KLF17: variants seen among roughly 807,000 people sequenced by gnomAD.
KLF17 encodes the protein KLF transcription factor 17.
KLF17 carries 31 observed loss-of-function variants against 34.2 expected under a neutral mutation model. That is an observed-to-expected ratio of 0.91 (90% CI 0.68 to 1.22). The LOEUF is 1.22. Ranked by LOEUF, KLF17 falls within the 50% of genes most tolerant of loss-of-function variation. The pLI, the probability that KLF17 is intolerant of heterozygous loss-of-function variation, is 0.00. For missense variants in KLF17, 478 were observed against 505.2 expected (o/e 0.95, Z 0.52); for synonymous variants, 179 against 186.7 (o/e 0.96, Z 0.34).
the KLF17 span, among the ~76,000 whole-genome samples, chr1:44,079,799 A>G: frequency 6.6e-6 from 1 of 152,098 alleles, no homozygotes; most frequent in Non-Finnish European, 1.5e-5. Context: ...TGGAAAGAAC[A>G]TCCTTCCCCT....
At chr1:44,117,215 G>C (rs1162084850), upstream of KLF17, 1 of 152,192 alleles carries the variant, frequency 6.6e-6, no homozygotes, top group African/African-American at 2.4e-5. Context: ...ACCTGGGCCA[G>C]TTCATCCCTC....
the KLF17 span, among the ~76,000 whole-genome samples, chr1:44,099,557 A>G: frequency 6.6e-6 from 1 of 151,518 alleles, no homozygotes; most frequent in African/African-American, 2.4e-5. Flanking sequence ...AGGCAGGTGA[A>G]TCAGGAGTCA....
the KLF17 span, among the ~76,000 whole-genome samples, chr1:44,080,414 A>AT: frequency 3.2e-4 from 48 of 150,416 alleles, no homozygotes; most frequent in African/African-American, 1.0e-3. Flanking sequence ...AATTTTTTAT[A>AT]TTTTTAGTAG....
In KLF17 at chr1:44,133,872, C is replaced by G. The variant is rs1435965560; in HGVS notation, c.*635C>G. 6.6e-6 allele frequency: 1 copy of G among 152,236 alleles called. No individual in the cohort carries two copies. Among genetic ancestry groups the G allele is most frequent in the East Asian group, 1.9e-4 (1 of 5,190 alleles). 9.4% of individuals were successfully genotyped at this position (152,236 alleles called of 1,614,324 possible). On this transcript the variant is annotated 3_prime_UTR_variant, in exon 4 of 4. Transcript: ENST00000372299. ...ATTAAAAGAACAGGGGCAGAAGTGGCTCATTTATGACCCATTCACTAGCCC... is the reference window on the plus strand; with the variant it reads ...ATTAAAAGAACAGGGGCAGAAGTGGGTCATTTATGACCCATTCACTAGCCC...
intron 1 of KLF17, among the ~76,000 whole-genome samples, chr1:44,121,932 CCCTA>C (rs1429832791): frequency 6.6e-6 from 1 of 152,198 alleles, no homozygotes; most frequent in African/African-American, 2.4e-5. Flanking sequence ...GTGTCCAGTT[CCCTA>C]CCAGCCATTC....
intron 1 of KLF17, among the ~76,000 whole-genome samples, chr1:44,127,630 T>C (rs1174029186): frequency 2.2e-5 from 1 of 45,926 alleles, no homozygotes; most frequent in African/African-American, 7.1e-5. Flanking sequence ...TTTTCTTTTC[T>C]TTTCTTTCCT....
chr1:44,117,706 G>T (rs2087896608), upstream of KLF17, among the ~76,000 whole-genome samples: 2 of 151,538 alleles, frequency 1.3e-5, no homozygotes, highest in Non-Finnish European at 2.9e-5. Flanking sequence ...TGTTGGCCAG[G>T]CTGGTCTCAA....
In KLF17 at chr1:44,118,826, G is replaced by A; in HGVS notation, c.-82G>A. 1 of 1,028,052 alleles carries A rather than the reference G, an allele frequency of 9.7e-7. No individual in the cohort carries two copies. The highest frequency in any genetic ancestry group is 1.4e-6 in the Non-Finnish European group (1 of 717,734). 63.7% of individuals were successfully genotyped at this position (1,028,052 alleles called of 1,614,324 possible). ...AAATAGAAGGTGATTGTGGCGTGGC[G>A]ATGTACCGATACCCGCCTGCGACGC... On this transcript the variant is annotated 5_prime_UTR_variant, in exon 1 of 4. Transcript: ENST00000372299.
At chr1:44,056,461 G>C in the KLF17 span, among the ~76,000 whole-genome samples, 2 of 152,200 alleles carry the variant, frequency 1.3e-5, no homozygotes, top group Admixed American at 1.3e-4. Context: ...TGGATTCCTG[G>C]GTTTGAGCTT....
chr1:44,105,900 A>C, the KLF17 span, among the ~76,000 whole-genome samples: 1 of 152,124 alleles, frequency 6.6e-6, no homozygotes, highest in Admixed American at 6.5e-5. Flanking sequence ...TCAGTGGCTC[A>C]CGCCTGTAAT....
the KLF17 span, chr1:44,076,519 C>T: frequency 1.3e-5 from 2 of 152,352 alleles, no homozygotes; most frequent in South Asian, 4.1e-4. Context: ...AAGGAAATTC[C>T]TATTACTCCA....
At chr1:44,090,324 A>AAAAAAAG in the KLF17 span, among the ~76,000 whole-genome samples, 1 of 149,564 alleles carries the variant, frequency 6.7e-6, no homozygotes, top group Non-Finnish European at 1.5e-5. Context: ...AAAAAAAAAA[A>AAAAAAAG]AAAAAAAAAA....
At position 44,130,549 on chromosome 1, in the gene KLF17, A is replaced by C; in HGVS notation, c.963A>C (p.Ser321=). 1 of 1,614,072 alleles carries C rather than the reference A, an allele frequency of 6.2e-7. No homozygotes were observed. Among genetic ancestry groups the C allele is most frequent in the Non-Finnish European group, 8.5e-7 (1 of 1,179,966 alleles). Residue 321 remains serine (S), a synonymous_variant, in exon 3 of 4, where the codon TCA becomes TCC. Transcript: ENST00000372299. ...ATTCTTGCAACTGGGAAAGTTGTTC[A>C]TGGTCTTTCTTCCGTTCTGATGAGC... ...RPYSCNWESC[S]WSFFRSDELR... is the part of the protein sequence containing the mutation.
At chr1:44,122,525 A>G (rs878914166) in intron 1 of KLF17, 5 of 874,408 alleles carry the variant, frequency 5.7e-6, no homozygotes, top group Non-Finnish European at 6.0e-6. Flanking sequence ...TAGCGGTGCC[A>G]TCACCCTTTG....
the KLF17 span, among the ~76,000 whole-genome samples, chr1:44,089,403 C>T: frequency 6.6e-6 from 1 of 152,228 alleles, no homozygotes; most frequent in African/African-American, 2.4e-5. Flanking sequence ...CTGGAGCAAA[C>T]ACTGTACATC....
chr1:44,092,454 G>T, the KLF17 span, among the ~76,000 whole-genome samples: 1 of 152,040 alleles, frequency 6.6e-6, no homozygotes, highest in Non-Finnish European at 1.5e-5. Flanking sequence ...CAGATTAAAC[G>T]TTTCTATAAG....
At chr1:44,053,091 G>A in the KLF17 span, among the ~76,000 whole-genome samples, 1 of 151,936 alleles carries the variant, frequency 6.6e-6, no homozygotes, top group African/African-American at 2.4e-5. Context: ...AGTAGAGATG[G>A]GGTTTCACCA....
At chr1:44,090,910 C>T in the KLF17 span, among the ~76,000 whole-genome samples, 1 of 150,214 alleles carries the variant, frequency 6.7e-6, no homozygotes. Context: ...ATACAATTCC[C>T]ACCACACACA....
At chr1:44,118,743 G>A (rs990991560), upstream of KLF17, 1 of 491,542 alleles carries the variant, frequency 2.0e-6, no homozygotes, top group Non-Finnish European at 3.6e-6. Flanking sequence ...CTGCGAGGGC[G>A]GCGCAGGGCG....
Sources: gnomAD v4.1 joint callset for allele counts (sites outside exome capture counted in the v4.1 genomes callset) on GRCh38, gnomAD v4.1.1 for gene constraint, MANE v1.5 for transcripts, NCBI Gene and HGNC (gene_info 2026-07-23, HGNC 2026-07-21) for gene names.